The following PTPRD variants were observed in gnomAD, a reference collection of about 807,000 sequenced individuals.
PTPRD encodes the protein receptor-type tyrosine-protein phosphatase delta.
In PTPRD, 34 loss-of-function variants were observed where a neutral mutation model predicts 214.5. The ratio of observed to expected loss-of-function variants is 0.16; its 90% CI spans 0.12 to 0.21. The LOEUF (loss-of-function observed/expected upper bound fraction) is 0.21. Ranked by LOEUF, PTPRD falls within the 10% of genes least tolerant of loss-of-function variation. PTPRD has a pLI of 1.00. For synonymous variants in PTPRD, 1,128 were observed against 845.7 expected (o/e 1.33, Z -5.79); for missense variants, 2,545 against 2,398.7 (o/e 1.06, Z -1.27).
chr9:9,149,306 G>A lies in PTPRD; in HGVS notation c.-143+33998C>T, dbSNP rs28619457. Among the ~76,000 whole-genome samples the A allele has an allele frequency of 2.6e-3, 399 of 152,308 alleles. 1 individual carries two copies. Among genetic ancestry groups the A allele is most frequent in the African/African-American group, 9.1e-3 (379 of 41,566 alleles). ...ACATAGTACACACTGAAAAGTGTTA[G>A]CTATTGTTATTGCCATTATTAATTA... On this transcript the variant is annotated intron_variant, in intron 10 of 45. Transcript: ENST00000381196.
intron 11 of PTPRD, among the ~76,000 whole-genome samples, chr9:8,850,983 A>G (rs578176099): frequency 2.6e-5 from 4 of 152,208 alleles, no homozygotes; most frequent in African/African-American, 9.7e-5. Flanking sequence ...TGATGTGTCT[A>G]GTCTAATTTC....
intron 11 of PTPRD, among the ~76,000 whole-genome samples, chr9:8,845,535 G>C (rs1226903175): frequency 1.3e-5 from 2 of 152,210 alleles, no homozygotes; most frequent in Non-Finnish European, 2.9e-5. Flanking sequence ...AAGACAGCCT[G>C]GCTGTGCCTT....
intron 2 of PTPRD, among the ~76,000 whole-genome samples, chr9:10,435,255 C>G (rs573721080): frequency 6.6e-6 from 1 of 151,954 alleles, no homozygotes; most frequent in African/African-American, 2.4e-5. Context: ...TGAACAGGAT[C>G]CAGCAGGAAA....
intron 5 of PTPRD, among the ~76,000 whole-genome samples, chr9:9,904,162 C>T (rs1351471893): frequency 6.6e-6 from 1 of 152,084 alleles, no homozygotes; most frequent in African/African-American, 2.4e-5. Context: ...ATGGGTGGTA[C>T]AGTGTGTCTG....
chr9:8,984,136 G>A (rs2099327964), intron 11 of PTPRD, among the ~76,000 whole-genome samples: 1 of 151,930 alleles, frequency 6.6e-6, no homozygotes, highest in South Asian at 2.1e-4. Flanking sequence ...TAATTGCAGT[G>A]ACATCATAAA....
At chr9:9,881,515 T>C (rs561115069) in intron 5 of PTPRD, among the ~76,000 whole-genome samples, 14 of 152,090 alleles carry the variant, frequency 9.2e-5, no homozygotes, top group Non-Finnish European at 1.6e-4. Flanking sequence ...AAACAGAAAA[T>C]ATCATCCTAC....
chr9:8,748,930 T>C (rs893377469), intron 11 of PTPRD, among the ~76,000 whole-genome samples: 1 of 152,094 alleles, frequency 6.6e-6, no homozygotes, highest in African/African-American at 2.4e-5. Context: ...AAATTCATCA[T>C]TTTCTAACTT....
intron 2 of PTPRD, among the ~76,000 whole-genome samples, chr9:10,572,863 GC>G (rs1461768175): frequency 6.6e-6 from 1 of 152,002 alleles, no homozygotes; most frequent in East Asian, 1.9e-4. Flanking sequence ...ACTCCAATTT[GC>G]CCCGTTTCTT....
At chr9:10,545,472 G>C (rs929621472) in intron 2 of PTPRD, among the ~76,000 whole-genome samples, 2 of 152,124 alleles carry the variant, frequency 1.3e-5, no homozygotes, top group South Asian at 2.1e-4. Flanking sequence ...AGTTCAACTG[G>C]TTGTAGCACA....
chr9:9,580,163 A>G (rs2090287645), intron 7 of PTPRD, among the ~76,000 whole-genome samples: 1 of 152,058 alleles, frequency 6.6e-6, no homozygotes. Context: ...TAGAACTGCA[A>G]TAAACATATG....
chr9:8,834,498 T>C (rs920257516), intron 11 of PTPRD, among the ~76,000 whole-genome samples: 3 of 152,136 alleles, frequency 2.0e-5, no homozygotes, highest in Admixed American at 6.5e-5. Flanking sequence ...CCCAAAACTG[T>C]TCTATAAAGG....
At chr9:9,741,292 AAAG>A (rs758616343) in intron 6 of PTPRD, among the ~76,000 whole-genome samples, 46 of 152,184 alleles carry the variant, frequency 3.0e-4, no homozygotes, top group Non-Finnish European at 1.5e-4. Flanking sequence ...ACATGGGAGA[AAAG>A]AAGGACACAG....
chr9:10,272,520 G>C (rs544580083), intron 3 of PTPRD, among the ~76,000 whole-genome samples: 1 of 152,096 alleles, frequency 6.6e-6, no homozygotes, highest in South Asian at 2.1e-4. Flanking sequence ...TAAACACATA[G>C]TTCTTGTATC....
intron 9 of PTPRD, among the ~76,000 whole-genome samples, chr9:9,281,319 A>G (rs1223465960): frequency 6.6e-6 from 1 of 151,288 alleles, no homozygotes; most frequent in East Asian, 2.0e-4. Context: ...GACAAGCCAC[A>G]AACTGGGAGA....
chr9:9,747,077 C>T (rs1456109003), intron 6 of PTPRD, among the ~76,000 whole-genome samples: 3 of 152,062 alleles, frequency 2.0e-5, no homozygotes, highest in African/African-American at 7.2e-5. Context: ...GGTCATGCTC[C>T]ACTGCTGGAG....
At chr9:10,601,608 A>C (rs1300766395) in intron 2 of PTPRD, among the ~76,000 whole-genome samples, 3 of 151,738 alleles carry the variant, frequency 2.0e-5, no homozygotes, top group African/African-American at 7.3e-5. Flanking sequence ...AAAACTTTGG[A>C]CCTGAATTTT....
intron 5 of PTPRD, among the ~76,000 whole-genome samples, chr9:9,861,416 G>A (rs181881717): frequency 0.016 from 2,368 of 151,922 alleles, 24 homozygotes; most frequent in Non-Finnish European, 0.025. Flanking sequence ...TCAGCCTCCC[G>A]AGTAGCTGGG....
rs200853921 is a variant in PTPRD, at chr9:8,316,911, T to TATC, written c.*960_*962dup. ...GGAAGAACTGACTGACTGATAACTG[T>TATC]ATCTATTTTTTGTGTGGACACACTG... On this transcript the variant is annotated 3_prime_UTR_variant, in exon 46 of 46. Transcript: ENST00000381196. 6,104 of 227,170 alleles carry TATC rather than the reference T, an allele frequency of 0.027. 110 individuals are homozygous for TATC. Among genetic ancestry groups the TATC allele is most frequent in the Middle Eastern group, 0.091 (68 of 750 alleles). 14.1% of individuals were successfully genotyped at this position (227,170 alleles called of 1,614,324 possible).
chr9:10,414,017 G>A (rs918860080), intron 2 of PTPRD, among the ~76,000 whole-genome samples: 2 of 151,846 alleles, frequency 1.3e-5, no homozygotes, highest in African/African-American at 2.4e-5. Context: ...AGACAACCTA[G>A]GCAAAAACAT....
Sources: gnomAD v4.1 joint callset for allele counts (sites outside exome capture counted in the v4.1 genomes callset) on GRCh38, gnomAD v4.1.1 for gene constraint, MANE v1.5 for transcripts, NCBI Gene and HGNC (gene_info 2026-07-23, HGNC 2026-07-21) for gene names.